Variants in DAGLB observed in about 807,000 individuals in gnomAD.
The protein encoded by DAGLB is diacylglycerol lipase-beta.
A neutral mutation model predicts 72.1 loss-of-function variants in DAGLB; 66 were observed. That is an observed-to-expected ratio of 0.92 (90% CI 0.75 to 1.12). DAGLB has a LOEUF of 1.12. DAGLB is among the 50% of genes most tolerant of loss of function. DAGLB has a pLI of 0.00. For synonymous variants in DAGLB, 414 were observed against 359.5 expected, an observed-to-expected ratio of 1.15 and a Z score of -1.71; for missense variants, 1,065 against 884.9, an observed-to-expected ratio of 1.20 and a Z score of -2.58.
At chr7:6,440,951 T>C (rs1237051095) in intron 2 of DAGLB, among the ~76,000 whole-genome samples, 1 of 151,880 alleles carries the variant, frequency 6.6e-6, no homozygotes, top group African/African-American at 2.4e-5. Context: ...TGACCATTGG[T>C]TTTTTCTTTG....
intron 8 of DAGLB, chr7:6,422,076 C>A: frequency 1.9e-6 from 1 of 539,780 alleles, no homozygotes. Flanking sequence ...CCCCATCACA[C>A]ACACGTATTC....
rs182621029 is a variant in DAGLB at position 6,435,082 on chromosome 7, C to T, written c.420-62G>A. 1.2e-3 allele frequency: 1,834 copies of T among 1,582,596 alleles called. 4 individuals carry two copies. The highest frequency in any genetic ancestry group is 1.3e-3 in the Non-Finnish European group (1,457 of 1,163,580). ...GGGCCCCAGCCCAGACGCAGATGTC[C>T]GGGGTCCCTCCTCCAGGTTCAGTTT... On this transcript the variant is annotated intron_variant, in intron 3 of 14. Coordinates refer to ENST00000297056, the MANE Select transcript of DAGLB (RefSeq NM_139179.4).
chr7:6,422,411 C>A, intron 8 of DAGLB: 1 of 209,496 alleles, frequency 4.8e-6, no homozygotes, highest in Non-Finnish European at 9.9e-6. Flanking sequence ...TTGAAAAGGT[C>A]CACAGGCGAG....
intron 11 of DAGLB, among the ~76,000 whole-genome samples, chr7:6,414,251 C>T (rs2115242468): frequency 6.6e-6 from 1 of 151,856 alleles, no homozygotes; most frequent in African/African-American, 2.4e-5. Context: ...ACCTCATGAT[C>T]TGCCGGCCTT....
chr7:6,421,102 A>C (rs1177675611), intron 9 of DAGLB, among the ~76,000 whole-genome samples: 1 of 152,248 alleles, frequency 6.6e-6, no homozygotes, highest in Non-Finnish European at 1.5e-5. Context: ...CAGGAGGTCA[A>C]GACCAGCCTG....
At chr7:6,426,248 G>C in intron 6 of DAGLB, 134 bp from the exon 7 acceptor site, 2 of 1,323,104 alleles carry the variant, frequency 1.5e-6, no homozygotes, top group Middle Eastern at 2.7e-4. Flanking sequence ...GGCTGACATG[G>C]AATGGCTTTT....
At chr7:6,412,614 C>T (rs566416263) in intron 13 of DAGLB, 197 bp downstream of exon 13, 15 of 639,628 alleles carry the variant, frequency 2.3e-5, no homozygotes, top group Non-Finnish European at 3.8e-5. Context: ...TGTGACATTT[C>T]CCGCACTTGC....
At position 6,447,945 on chromosome 7, in the gene DAGLB, G is replaced by A. The variant is rs575878490; in HGVS notation, c.-103C>T. On this transcript the variant is annotated 5_prime_UTR_variant, in exon 1 of 15. Transcript: ENST00000297056. The stretch of plus-strand genomic sequence containing the variant: ...CCGCCACCAAATTATCGGCGCTCAA[G>A]CGCAAACGCAGCGAGGGCGGGGACC... The A allele has an allele frequency of 6.9e-7, 1 of 1,457,472 alleles. No homozygotes were observed. 90.3% of individuals were successfully genotyped at this position (1,457,472 alleles called of 1,614,324 possible).
chr7:6,418,697 C>T (rs1412801606), intron 9 of DAGLB, among the ~76,000 whole-genome samples: 2 of 150,866 alleles, frequency 1.3e-5, no homozygotes, highest in African/African-American at 2.5e-5. Context: ...CAGAGTCTCG[C>T]TTTGTCGCCC....
intron 9 of DAGLB, among the ~76,000 whole-genome samples, chr7:6,420,561 G>A (rs1784080047): frequency 6.6e-6 from 1 of 152,228 alleles, no homozygotes; most frequent in Non-Finnish European, 1.5e-5. Context: ...GTTCCCAGAG[G>A]CCGTGGAAGG....
rs755087521 is a variant in DAGLB at position 6,421,813 on chromosome 7, A to T, written c.1141-9T>A. ...AGGTCCGTAAGGACATCCTGTAAAA[A>T]GGGCGTTGCAGAAGCGGCCGTCAGC... On this transcript the variant is annotated splice_polypyrimidine_tract_variant and intron_variant, in intron 8 of 14. Transcript: ENST00000297056. The T allele has an allele frequency of 6.2e-7, 1 of 1,611,804 alleles. No homozygotes were observed. The highest frequency in any genetic ancestry group is 8.5e-7 in the Non-Finnish European group (1 of 1,179,040).
chr7:6,415,724 AGTCCCAGCTACTCG>A (rs1783887665), intron 11 of DAGLB, among the ~76,000 whole-genome samples: 1 of 151,564 alleles, frequency 6.6e-6, no homozygotes, highest in Non-Finnish European at 1.5e-5. Flanking sequence ...GGGCGCCTGT[AGTCCCAGCTACTCG>A]GGAGGCTGAG....
At chr7:6,434,616 C>G in intron 4 of DAGLB, 146 bp downstream of exon 4, 5 of 1,338,098 alleles carry the variant, frequency 3.7e-6, no homozygotes, top group Non-Finnish European at 5.1e-6. Context: ...GAGGGCTCAT[C>G]ACAGACAGAG....
At chr7:6,437,487 G>T (rs1303209622) in intron 2 of DAGLB, among the ~76,000 whole-genome samples, 2 of 151,248 alleles carry the variant, frequency 1.3e-5, no homozygotes, top group African/African-American at 4.9e-5. Flanking sequence ...GCTGGAGTGT[G>T]GTGGCACAAT....
rs1355584636 is a variant in DAGLB at position 6,410,161 on chromosome 7, T to A, written c.1789A>T (p.Ile597Phe). ...YPPLYPPGRI[I>F]HLQEEGASGR... ...GAGGCGCCCTCCTCCTGCAGGTGGA[T>A]GATCCTGCCGGGAGGGTAGAGAGGG... Residue 597 changes from isoleucine to phenylalanine, a missense_variant, in exon 14 of 15, where the codon ATC becomes TTC. Coordinates refer to ENST00000297056, the MANE Select transcript of DAGLB (RefSeq NM_139179.4). The A allele has an allele frequency of 1.9e-6, 3 of 1,579,108 alleles. No homozygotes were observed. Among genetic ancestry groups the A allele is most frequent in the African/African-American group, 2.7e-5 (2 of 74,310 alleles).
At chr7:6,436,081 GAAAAAAAGAAA>G (rs1049348878) in intron 3 of DAGLB, among the ~76,000 whole-genome samples, 2 of 120,668 alleles carry the variant, frequency 1.7e-5, no homozygotes, top group Admixed American at 1.7e-4. Flanking sequence ...AAGACTTTAA[GAAAAAAAGAAA>G]AAAAAAAAAG....
chr7:6,432,920 C>A lies in DAGLB; in HGVS notation c.718G>T (p.Ala240Ser). ...LVPSDIAAGL[A>S]LLHQQQDNIR... Reference sequence around the variant, plus strand: ...TTGTCCTGTTGCTGATGAAGCAGGGCGAGGCCCGCCGCAATGTCGCTGGGC... The same window carrying A: ...TTGTCCTGTTGCTGATGAAGCAGGGAGAGGCCCGCCGCAATGTCGCTGGGC... The change falls in exon 5 of 15, where the codon GCC becomes TCC. Residue 240 changes from alanine (A) to serine (S), a missense_variant. Transcript: ENST00000297056. 9 of 1,613,020 alleles carry A rather than the reference C, an allele frequency of 5.6e-6. No individual in the cohort carries two copies. Among genetic ancestry groups the A allele is most frequent in the South Asian group, 4.4e-5 (4 of 91,054 alleles).
At chr7:6,447,619 G>A (rs1785052430) in intron 1 of DAGLB, 129 bp downstream of exon 1, 2 of 1,306,874 alleles carry the variant, frequency 1.5e-6, no homozygotes, top group Admixed American at 2.8e-5. Context: ...AACTCGATAA[G>A]AGGATGCGTG....
At chr7:6,412,657 T>C in intron 13 of DAGLB, 154 bp downstream of exon 13, 1 of 844,252 alleles carries the variant, frequency 1.2e-6, no homozygotes, top group Non-Finnish European at 1.9e-6. Flanking sequence ...CATCACAGAG[T>C]CCTAGCCCAG....
Sources: allele counts gnomAD v4.1 joint callset (sites outside exome capture counted in the v4.1 genomes callset), GRCh38; gene constraint gnomAD v4.1.1; transcripts MANE v1.5; gene names NCBI Gene and HGNC (gene_info 2026-07-23, HGNC 2026-07-21).